Variants in APAF1 observed in about 807,000 individuals in gnomAD.
The protein encoded by APAF1 is apoptotic protease-activating factor 1.
In APAF1, 91 loss-of-function variants were observed where a neutral mutation model predicts 152.4. The ratio of observed to expected loss-of-function variants is 0.60; its 90% CI spans 0.50 to 0.71. The LOEUF (loss-of-function observed/expected upper bound fraction) is 0.71. APAF1 is among the 30% of genes least tolerant of loss of function. The pLI is 0.00. For missense variants in APAF1, 1,283 were observed against 1,472.0 expected (o/e 0.87, Z 2.10); for synonymous variants, 484 against 494.1 (o/e 0.98, Z 0.27).
chr12:98,722,220 A>C (rs1053312337), intron 22 of APAF1, among the ~76,000 whole-genome samples: 3 of 152,138 alleles, frequency 2.0e-5, no homozygotes, highest in Non-Finnish European at 4.4e-5. Flanking sequence ...CCTCAAGCCT[A>C]CTTTGAATGT....
intron 4 of APAF1, among the ~76,000 whole-genome samples, chr12:98,657,080 T>C (rs556492585): frequency 6.6e-6 from 1 of 152,314 alleles, no homozygotes; most frequent in African/African-American, 2.4e-5. Context: ...TCTTAACTCT[T>C]CCCTGATTAC....
chr12:98,656,669 A>C (rs942710945), intron 4 of APAF1, among the ~76,000 whole-genome samples: 2 of 152,148 alleles, frequency 1.3e-5, no homozygotes, highest in African/African-American at 4.8e-5. Flanking sequence ...TGTATCATCA[A>C]CTTCTTAGAA....
At chr12:98,647,717 T>TTTC (rs1417601754) in intron 1 of APAF1, among the ~76,000 whole-genome samples, 97 of 151,106 alleles carry the variant, frequency 6.4e-4, no homozygotes, top group African/African-American at 2.2e-3. Context: ...TTTTTTTTTT[T>TTTC]TTTTTTTTCA....
chr12:98,650,984 T>C (rs987146075), intron 4 of APAF1, among the ~76,000 whole-genome samples: 2 of 152,234 alleles, frequency 1.3e-5, no homozygotes, highest in African/African-American at 4.8e-5. Flanking sequence ...TGATGAATTT[T>C]CAATTCTAGG....
intron 8 of APAF1, among the ~76,000 whole-genome samples, 184 bp downstream of exon 8, chr12:98,665,975 G>A (rs1408161142): frequency 6.6e-6 from 1 of 152,180 alleles, no homozygotes; most frequent in African/African-American, 2.4e-5. Flanking sequence ...GAACTCAGGA[G>A]TTAACCTATT....
intron 12 of APAF1, among the ~76,000 whole-genome samples, chr12:98,675,258 TTTG>T (rs1314278438): frequency 6.6e-6 from 1 of 152,226 alleles, no homozygotes; most frequent in East Asian, 1.9e-4. Flanking sequence ...CACTCATTCA[TTTG>T]TTATTTGTCT....
rs540843784 is a variant in APAF1, at chr12:98,672,646, G to C, written c.1793+927G>C. The stretch of plus-strand genomic sequence containing the variant: ...TTACCTTTCCTTATAAAAAGGAAAG[G>C]ATAGCTATTAATACCATCTTTTTAA... On this transcript the variant is annotated intron_variant, in intron 12 of 26. Transcript: ENST00000551964. Among the ~76,000 whole-genome samples the C allele has an allele frequency of 1.1e-4, 16 of 152,122 alleles. No individual in the cohort carries two copies. In the South Asian group the frequency reaches 3.3e-3, roughly 32 times the overall value.
intron 12 of APAF1, among the ~76,000 whole-genome samples, chr12:98,673,391 G>T (rs2097682686): frequency 6.7e-6 from 1 of 149,702 alleles, no homozygotes; most frequent in Non-Finnish European, 1.5e-5. Context: ...AGCCGAGATT[G>T]TGCCACTGCA....
intron 16 of APAF1, among the ~76,000 whole-genome samples, chr12:98,698,263 G>A (rs538349020): frequency 6.6e-6 from 1 of 152,236 alleles, no homozygotes; most frequent in Admixed American, 6.5e-5. Context: ...GTGTTGCCCA[G>A]GCTGGTCTTG....
intron 26 of APAF1, among the ~76,000 whole-genome samples, chr12:98,728,793 A>C (rs2097755344): frequency 6.6e-6 from 1 of 152,244 alleles, no homozygotes; most frequent in South Asian, 2.1e-4. Flanking sequence ...ACTCAAACCC[A>C]GGTCTCTGCC....
intron 12 of APAF1, among the ~76,000 whole-genome samples, chr12:98,677,061 C>T (rs2097687362): frequency 6.6e-6 from 1 of 152,096 alleles, no homozygotes; most frequent in African/African-American, 2.4e-5. Flanking sequence ...TTGAAGGTAT[C>T]CTTATATAAT....
At chr12:98,661,632 C>T (rs1022487705) in intron 5 of APAF1, among the ~76,000 whole-genome samples, 7 of 151,986 alleles carry the variant, frequency 4.6e-5, no homozygotes, top group East Asian at 1.9e-4. Flanking sequence ...TGTGCCACCT[C>T]GCCTGGCTAA....
At chr12:98,732,157 CTCTCAAGCAGG>C (rs1379856432) in intron 26 of APAF1, among the ~76,000 whole-genome samples, 1 of 152,144 alleles carries the variant, frequency 6.6e-6, no homozygotes, top group Non-Finnish European at 1.5e-5. Context: ...CTGTCTGCAG[CTCTCAAGCAGG>C]CTGCATGTTT....
At chr12:98,674,087 T>C (rs1037919689) in intron 12 of APAF1, among the ~76,000 whole-genome samples, 1 of 152,156 alleles carries the variant, frequency 6.6e-6, no homozygotes, top group African/African-American at 2.4e-5. Flanking sequence ...CCTTGACCTC[T>C]TGGGCTCAAG....
chr12:98,682,685 GGAGAGGTA>G (rs948311709), intron 14 of APAF1, among the ~76,000 whole-genome samples: 6 of 152,156 alleles, frequency 3.9e-5, no homozygotes, highest in African/African-American at 1.2e-4. Context: ...AAATTGTGTG[GGAGAGGTA>G]TAGATATCCC....
At chr12:98,715,271 T>TAC (rs2097733257) in intron 21 of APAF1, among the ~76,000 whole-genome samples, 156 bp from the exon 22 acceptor site, 1 of 124,650 alleles carries the variant, frequency 8.0e-6, no homozygotes, top group Non-Finnish European at 1.7e-5. Context: ...TATATATATA[T>TAC]ATATATATAT....
intron 18 of APAF1, among the ~76,000 whole-genome samples, chr12:98,706,276 T>G (rs1169936741): frequency 6.6e-6 from 1 of 152,232 alleles, no homozygotes; most frequent in Admixed American, 6.5e-5. Flanking sequence ...TCCCTATTGA[T>G]GAGTATTTAG....
In APAF1 at chr12:98,732,326, G is replaced by C. The variant is rs145363348; in HGVS notation, c.3601-94G>C. 2.1e-3 allele frequency: 2,370 copies of C among 1,121,428 alleles called. 27 individuals carry two copies. The African/African-American group carries it at 0.024, about 11-fold the overall frequency. 69.5% of individuals were successfully genotyped at this position (1,121,428 alleles called of 1,614,324 possible). A position where few individuals can be genotyped will look rare whatever the true frequency, so the allele number is the denominator to read the frequency against. On this transcript the variant is annotated intron_variant, in intron 26 of 26. Transcript: ENST00000551964. ...CCTCCTGTTTGCTTGAGTTCGGTTGGGGGGAGGAGATAGGGTAAAGGATCT... is the reference window on the plus strand; with the variant it reads ...CCTCCTGTTTGCTTGAGTTCGGTTGCGGGGAGGAGATAGGGTAAAGGATCT...
intron 16 of APAF1, among the ~76,000 whole-genome samples, chr12:98,698,301 C>T (rs1034116657): frequency 6.6e-6 from 1 of 152,206 alleles, no homozygotes; most frequent in Admixed American, 6.5e-5. Flanking sequence ...GATCCTCCCA[C>T]CTTGGCTTCC....
Sources: allele counts gnomAD v4.1 joint callset (sites outside exome capture counted in the v4.1 genomes callset), GRCh38; gene constraint gnomAD v4.1.1; transcripts MANE v1.5; gene names NCBI Gene and HGNC (gene_info 2026-07-23, HGNC 2026-07-21).